The following NEDD4L variants were observed in gnomAD, a reference collection of about 807,000 sequenced individuals.
NEDD4L encodes E3 ubiquitin-protein ligase NEDD4-like.
A neutral mutation model predicts 148.9 loss-of-function variants in NEDD4L; 54 were observed. The ratio of observed to expected loss-of-function variants is 0.36; its 90% CI spans 0.29 to 0.45. NEDD4L has a LOEUF of 0.45. NEDD4L is among the 20% of genes least tolerant of loss of function. The pLI, the probability that NEDD4L is intolerant of heterozygous loss-of-function variation, is 1.00. For synonymous variants in NEDD4L, 433 were observed against 440.7 expected (o/e 0.98, Z 0.22); for missense variants, 856 against 1,233.8 (o/e 0.69, Z 4.59).
chr18:58,340,054 G>A (rs577271511), intron 13 of NEDD4L, among the ~76,000 whole-genome samples: 13 of 152,282 alleles, frequency 8.5e-5, no homozygotes, highest in East Asian at 1.9e-4. Context: ...CCTAGGAGCC[G>A]TGGTATAGCT....
At chr18:58,110,853 T>G (rs1172327754) in intron 1 of NEDD4L, among the ~76,000 whole-genome samples, 1 of 152,206 alleles carries the variant, frequency 6.6e-6, no homozygotes, top group African/African-American at 2.4e-5. Flanking sequence ...GGCAGACAAA[T>G]ATAGCTAGGA....
At chr18:58,179,479 G>A (rs1450735949) in intron 2 of NEDD4L, among the ~76,000 whole-genome samples, 1 of 152,088 alleles carries the variant, frequency 6.6e-6, no homozygotes, top group African/African-American at 2.4e-5. Context: ...TGTAGAGCAG[G>A]GGTCTCCAAC....
chr18:58,385,710 G>A (rs2048922078), intron 26 of NEDD4L, 124 bp downstream of exon 26: 2 of 774,116 alleles, frequency 2.6e-6, no homozygotes, highest in Non-Finnish European at 4.5e-6. Flanking sequence ...TGGGGACCCT[G>A]CAGGAAGACC....
intron 1 of NEDD4L, among the ~76,000 whole-genome samples, chr18:58,144,918 C>A (rs1176427041): frequency 6.6e-6 from 1 of 152,144 alleles, no homozygotes. Flanking sequence ...AGTCAGGGCC[C>A]AACAGAGGGA....
rs1333540470 is a variant in NEDD4L at position 58,400,610 on chromosome 18, C to G, written c.*4341C>G. 6.6e-6 allele frequency: 1 copy of G among 152,226 alleles called. No homozygotes were observed. The highest frequency in any genetic ancestry group is 1.5e-5 in the Non-Finnish European group (1 of 68,048). 9.4% of individuals were successfully genotyped at this position (152,226 alleles called of 1,614,324 possible). A position where few individuals can be genotyped will look rare whatever the true frequency, so the allele number is the denominator to read the frequency against. ...TCTGTTGTTTGTTAAAGATGTTCCA[C>G]TGAAAGCAACGCATGTTTCAAAGGC... On this transcript the variant is annotated 3_prime_UTR_variant, in exon 31 of 31. Coordinates refer to ENST00000400345, the MANE Select transcript of NEDD4L (RefSeq NM_001144967.3).
At chr18:58,098,513 T>G (rs1424159457) in intron 1 of NEDD4L, among the ~76,000 whole-genome samples, 1 of 152,196 alleles carries the variant, frequency 6.6e-6, no homozygotes, top group Non-Finnish European at 1.5e-5. Flanking sequence ...TGCCTGGGTT[T>G]GAATCCTTGC....
intron 5 of NEDD4L, among the ~76,000 whole-genome samples, chr18:58,270,727 A>G (rs964936722): frequency 9.2e-5 from 14 of 151,920 alleles, no homozygotes; most frequent in Admixed American, 7.2e-4. Context: ...TCTGATTTCT[A>G]TTGCTTATCA....
chr18:58,338,694 T>A (rs1324033849), intron 13 of NEDD4L, among the ~76,000 whole-genome samples: 2 of 152,108 alleles, frequency 1.3e-5, no homozygotes, highest in Non-Finnish European at 2.9e-5. Context: ...AGCGGGTGGA[T>A]CAATTGAAGT....
At chr18:58,089,800 A>C (rs1163438301) in intron 1 of NEDD4L, among the ~76,000 whole-genome samples, 1 of 151,080 alleles carries the variant, frequency 6.6e-6, no homozygotes. Flanking sequence ...CTGTGTCTTC[A>C]CGGGGTCTTT....
chr18:58,251,302 G>A (rs2047902286), intron 4 of NEDD4L, among the ~76,000 whole-genome samples: 1 of 152,202 alleles, frequency 6.6e-6, no homozygotes, highest in Admixed American at 6.5e-5. Context: ...AAGGCATGCA[G>A]ATAGCTTGAG....
chr18:58,091,675 C>T (rs924197245), intron 1 of NEDD4L: 1 of 152,182 alleles, frequency 6.6e-6, no homozygotes, highest in African/African-American at 2.4e-5. Context: ...ATTTGATTCT[C>T]AAAAAGGTTT....
intron 5 of NEDD4L, chr18:58,255,905 T>A (rs1600300467): frequency 2.4e-6 from 3 of 1,231,896 alleles, no homozygotes; most frequent in Non-Finnish European, 3.0e-6. Context: ...CACGTGCAGC[T>A]CCTCCGTGCA....
At chr18:58,348,446 C>T (rs1219061937) in intron 16 of NEDD4L, among the ~76,000 whole-genome samples, 2 of 145,220 alleles carry the variant, frequency 1.4e-5, no homozygotes, top group African/African-American at 5.1e-5. Flanking sequence ...ATTCTCCTAA[C>T]TCAGCCTCCC....
chr18:58,337,179 C>T (rs1195490231), intron 13 of NEDD4L, among the ~76,000 whole-genome samples: 3 of 152,160 alleles, frequency 2.0e-5, no homozygotes, highest in Non-Finnish European at 1.5e-5. Context: ...GCACTCTCCC[C>T]TCCCCGTCAC....
chr18:58,120,575 C>A (rs924968242), intron 1 of NEDD4L, among the ~76,000 whole-genome samples: 1 of 152,006 alleles, frequency 6.6e-6, no homozygotes, highest in African/African-American at 2.4e-5. Context: ...GTCAGGAGAT[C>A]GAGACCATCC....
At chr18:58,083,952 A>C (rs1473666702) in intron 1 of NEDD4L, among the ~76,000 whole-genome samples, 1 of 152,134 alleles carries the variant, frequency 6.6e-6, no homozygotes, top group Non-Finnish European at 1.5e-5. Context: ...CCTGGTCTTG[A>C]ACTCCTGACC....
At chr18:58,240,834 T>TG (rs2046545759) in intron 2 of NEDD4L, among the ~76,000 whole-genome samples, 2 of 151,906 alleles carry the variant, frequency 1.3e-5, no homozygotes, top group Admixed American at 6.6e-5. Context: ...TATGTATGTA[T>TG]TTAGAGACAG....
At chr18:58,281,529 C>G (rs1207853764) in intron 5 of NEDD4L, among the ~76,000 whole-genome samples, 1 of 152,078 alleles carries the variant, frequency 6.6e-6, no homozygotes, top group Non-Finnish European at 1.5e-5. Flanking sequence ...GTTATAAAGT[C>G]TCTTAATTAT....
intron 29 of NEDD4L, 54 bp downstream of exon 29, chr18:58,390,796 A>C: frequency 7.4e-7 from 1 of 1,342,540 alleles, no homozygotes; most frequent in Non-Finnish European, 1.0e-6. Flanking sequence ...CCAGCCAGGC[A>C]TGAACTCTGG....
Sources: allele counts gnomAD v4.1 joint callset (sites outside exome capture counted in the v4.1 genomes callset), GRCh38; gene constraint gnomAD v4.1.1; transcripts MANE v1.5; gene names NCBI Gene and HGNC (gene_info 2026-07-23, HGNC 2026-07-21).